The following LCLAT1 variants were observed in gnomAD, a reference collection of about 807,000 sequenced individuals.
LCLAT1 encodes lysocardiolipin acyltransferase 1.
Under a neutral mutation model 30.7 loss-of-function variants are expected in LCLAT1, and 11 were observed. The ratio of observed to expected loss-of-function variants is 0.36; its 90% CI spans 0.23 to 0.59. The LOEUF (loss-of-function observed/expected upper bound fraction) is 0.59. LCLAT1 is among the 20% of genes least tolerant of loss of function. LCLAT1 has a pLI of 0.77. For missense variants in LCLAT1, 402 were observed against 458.6 expected, an observed-to-expected ratio of 0.88 and a Z score of 1.13; for synonymous variants, 155 against 151.3, an observed-to-expected ratio of 1.02 and a Z score of -0.18.
rs939598173 is a variant in LCLAT1 at position 30,536,021 on chromosome 2, A to G, written c.364+2707A>G. On this transcript the variant is annotated intron_variant, in intron 3 of 5. Coordinates refer to ENST00000379509, the MANE Select transcript of LCLAT1 (RefSeq NM_001002257.3). ...AAAATTCAGTAAATGAAATAAAAAT[A>G]AAATCAAGAGCTTCAACAATAAACT... is the stretch of plus-strand genomic sequence containing the variant. 4.0e-5 allele frequency among the ~76,000 whole-genome samples: 5 copies of G among 124,714 alleles called. No individual in the cohort carries two copies. In the South Asian group the frequency reaches 1.2e-3, roughly 31 times the overall value. 81.8% of individuals were successfully genotyped at this position (124,714 alleles called of 152,430 possible).
intron 5 of LCLAT1, among the ~76,000 whole-genome samples, chr2:30,612,972 A>C (rs1667812739): frequency 6.6e-6 from 1 of 152,198 alleles, no homozygotes; most frequent in East Asian, 1.9e-4. Context: ...GGGCTTACAG[A>C]GAAAATAAAT....
At chr2:30,487,975 G>A (rs1006379284) in intron 1 of LCLAT1, among the ~76,000 whole-genome samples, 9 of 152,154 alleles carry the variant, frequency 5.9e-5, no homozygotes, top group Non-Finnish European at 1.0e-4. Flanking sequence ...GGTGATTACT[G>A]CATTCCTCTG....
Position 30,604,927 on chromosome 2 carries a change from G to C in LCLAT1, c.629-35190G>C, listed in dbSNP as rs757386168. 4.9e-4 allele frequency among the ~76,000 whole-genome samples: 75 copies of C among 152,196 alleles called. 1 individual carries two copies. Among genetic ancestry groups the C allele is most frequent in the Non-Finnish European group, 9.3e-4 (63 of 68,034 alleles). ...ATTAGAGCTGCCTGCCAGGAAAAAG[G>C]CTGCCTCAAGGCATCTGTGTCCTTG... On this transcript the variant is annotated intron_variant, in intron 5 of 5. Transcript: ENST00000379509.
At chr2:30,597,740 T>G (rs1056327133) in intron 5 of LCLAT1, among the ~76,000 whole-genome samples, 1 of 152,206 alleles carries the variant, frequency 6.6e-6, no homozygotes, top group Non-Finnish European at 1.5e-5. Context: ...AGGGGAATGC[T>G]TCCAGCTTTT....
At chr2:30,597,585 GCAAA>G (rs1396028984) in intron 5 of LCLAT1, among the ~76,000 whole-genome samples, 3 of 152,168 alleles carry the variant, frequency 2.0e-5, no homozygotes, top group Non-Finnish European at 4.4e-5. Flanking sequence ...CATGTCATCT[GCAAA>G]CAAAGACAAT....
intron 1 of LCLAT1, among the ~76,000 whole-genome samples, chr2:30,457,132 T>G (rs1481295088): frequency 6.6e-6 from 1 of 152,230 alleles, no homozygotes; most frequent in Non-Finnish European, 1.5e-5. Context: ...TTACTTTATT[T>G]CTGCATTGAG....
rs1669420410 is a variant in LCLAT1, at chr2:30,643,440, A to G, written c.*2821A>G. The stretch of plus-strand genomic sequence containing the variant: ...TTAGAAGAACTTGATAAAAGACTCA[A>G]ATAAATGTTAGAAAGAGCCCGTAAT... On this transcript the variant is annotated 3_prime_UTR_variant, in exon 6 of 6. Coordinates refer to ENST00000379509, the MANE Select transcript of LCLAT1 (RefSeq NM_001002257.3). 1.4e-5 allele frequency: 2 copies of G among 145,710 alleles called. No homozygotes were observed. The highest frequency in any genetic ancestry group is 4.5e-4 in the South Asian group (2 of 4,456). 9.0% of individuals were successfully genotyped at this position (145,710 alleles called of 1,614,324 possible). A position where few individuals can be genotyped will look rare whatever the true frequency, so the allele number is the denominator to read the frequency against.
chr2:30,501,715 G>T (rs1572534303), intron 1 of LCLAT1, among the ~76,000 whole-genome samples: 1 of 151,946 alleles, frequency 6.6e-6, no homozygotes, highest in East Asian at 1.9e-4. Context: ...AAACATGAAG[G>T]AAAGCATTTT....
chr2:30,554,082 G>T (rs963193619), intron 3 of LCLAT1, among the ~76,000 whole-genome samples: 4 of 152,064 alleles, frequency 2.6e-5, no homozygotes, highest in Non-Finnish European at 1.5e-5. Context: ...GCTAAAAGAA[G>T]TAAAAAAGAT....
At chr2:30,551,000 A>T (rs1237289662) in intron 3 of LCLAT1, among the ~76,000 whole-genome samples, 1 of 152,012 alleles carries the variant, frequency 6.6e-6, no homozygotes, top group Non-Finnish European at 1.5e-5. Context: ...TTTTCTTGAG[A>T]CAGGGTCTTG....
intron 1 of LCLAT1, among the ~76,000 whole-genome samples, chr2:30,487,205 G>T (rs868209305): frequency 1.3e-5 from 2 of 152,186 alleles, no homozygotes; most frequent in Non-Finnish European, 2.9e-5. Context: ...ATGGTACCCA[G>T]CTAAGGCACT....
chr2:30,490,927 A>G (rs1683806532), intron 1 of LCLAT1, among the ~76,000 whole-genome samples: 1 of 152,240 alleles, frequency 6.6e-6, no homozygotes, highest in African/African-American at 2.4e-5. Flanking sequence ...AAGACTTAGT[A>G]TGAAAAAATA....
chr2:30,584,269 C>G (rs1005533095), intron 5 of LCLAT1, among the ~76,000 whole-genome samples: 6 of 152,224 alleles, frequency 3.9e-5, no homozygotes, highest in Non-Finnish European at 7.3e-5. Flanking sequence ...CCTCTCTTCT[C>G]TACCCTGTTA....
At chr2:30,609,808 A>G (rs1667646027) in intron 5 of LCLAT1, among the ~76,000 whole-genome samples, 1 of 152,138 alleles carries the variant, frequency 6.6e-6, no homozygotes, top group Non-Finnish European at 1.5e-5. Flanking sequence ...AACTTTTCAC[A>G]TATTTATATG....
chr2:30,476,606 C>G, intron 1 of LCLAT1: 1 of 441,344 alleles, frequency 2.3e-6, no homozygotes, highest in South Asian at 1.6e-5. Flanking sequence ...GGAAAACAAG[C>G]TCAGAACGCT....
intron 5 of LCLAT1, among the ~76,000 whole-genome samples, chr2:30,587,574 A>G (rs1666498664): frequency 6.6e-6 from 1 of 152,208 alleles, no homozygotes; most frequent in African/African-American, 2.4e-5. Context: ...TTGTAACATT[A>G]TAAGGATTTT....
At chr2:30,563,279 G>C (rs1295961438) in intron 4 of LCLAT1, among the ~76,000 whole-genome samples, 1 of 152,172 alleles carries the variant, frequency 6.6e-6, no homozygotes, top group East Asian at 1.9e-4. Flanking sequence ...TCAACAGTCT[G>C]TCATCCTTAC....
intron 5 of LCLAT1, among the ~76,000 whole-genome samples, chr2:30,612,447 G>A (rs1667783964): frequency 6.6e-6 from 1 of 152,122 alleles, no homozygotes; most frequent in African/African-American, 2.4e-5. Flanking sequence ...CTATTCAGAT[G>A]TTGGTCATTT....
At chr2:30,501,791 C>T (rs1283638463) in intron 1 of LCLAT1, among the ~76,000 whole-genome samples, 1 of 152,144 alleles carries the variant, frequency 6.6e-6, no homozygotes, top group East Asian at 1.9e-4. Context: ...TTATGCCTTC[C>T]AATGAATCTC....
Sources: allele counts gnomAD v4.1 joint callset (sites outside exome capture counted in the v4.1 genomes callset), GRCh38; gene constraint gnomAD v4.1.1; transcripts MANE v1.5; gene names NCBI Gene and HGNC (gene_info 2026-07-23, HGNC 2026-07-21).